TPGS2: variants seen among roughly 807,000 people sequenced by gnomAD.
TPGS2 encodes polyglutamylase subunit 2.
In TPGS2, 26 loss-of-function variants were observed where a neutral mutation model predicts 31.1. The observed-to-expected ratio is 0.84, with a 90% CI of 0.61 to 1.16. The LOEUF (loss-of-function observed/expected upper bound fraction) is 1.16, where lower values mean the gene tolerates loss of function less well. Ranked by LOEUF, TPGS2 falls within the 50% of genes most tolerant of loss-of-function variation. The probability of loss-of-function intolerance (pLI) is 0.00; values close to 1 mark genes in which losing one functional copy is unlikely to be tolerated. For synonymous variants in TPGS2, 130 were observed against 136.6 expected (o/e 0.95, Z 0.34); for missense variants, 351 against 363.8 (o/e 0.96, Z 0.29).
chr18:36,797,088 A>G (rs760688245), intron 6 of TPGS2, 38 bp from the exon 7 acceptor site: 3 of 1,596,372 alleles, frequency 1.9e-6, no homozygotes, highest in Non-Finnish European at 2.6e-6. Context: ...CACAATTCAA[A>G]GGAAAAATGC....
chr18:36,795,449 A>T lies in TPGS2; in HGVS notation c.*1356T>A. 2 of 985,440 alleles carry T rather than the reference A, an allele frequency of 2.0e-6. No homozygotes were observed. Among genetic ancestry groups the T allele is most frequent in the Non-Finnish European group, 2.4e-6 (2 of 829,956 alleles). The allele number at this position is 985,440 out of a possible 1,614,324, so 61.0% of individuals were successfully genotyped here. On this transcript the variant is annotated 3_prime_UTR_variant, in exon 7 of 7. Transcript: ENST00000334295. ...ATTCTCTAACCTCTGGGACTTCAGT[A>T]CAAAAACTGCAGCCACCCAAAGAAC...
At chr18:36,786,596 T>C in intron 6 of TPGS2, 4 of 340,274 alleles carry the variant, frequency 1.2e-5, no homozygotes, top group East Asian at 4.5e-5. Context: ...TGTTTATTAT[T>C]TGGTATCTTA....
intron 3 of TPGS2, 169 bp downstream of exon 3, chr18:36,807,678 G>A: frequency 4.8e-6 from 3 of 618,966 alleles, no homozygotes. Flanking sequence ...GTGAAGCAAT[G>A]ATGGCATCTG....
At chr18:36,790,784 T>C (rs2044283950), downstream of TPGS2, among the ~76,000 whole-genome samples, 1 of 152,252 alleles carries the variant, frequency 6.6e-6, no homozygotes, top group African/African-American at 2.4e-5. Flanking sequence ...TTGTTGTCTG[T>C]TCCTACTGGT....
intron 1 of TPGS2, 60 bp downstream of exon 1, chr18:36,828,623 C>CCCTCCGCT: frequency 6.3e-7 from 1 of 1,587,572 alleles, no homozygotes; most frequent in Non-Finnish European, 8.6e-7. Flanking sequence ...CGCACCTCAT[C>CCCTCCGCT]CCTCCGCTCC....
intron 6 of TPGS2, 43 bp from the exon 7 acceptor site, chr18:36,797,093 A>G (rs900398724): frequency 1.3e-6 from 2 of 1,595,186 alleles, no homozygotes; most frequent in Non-Finnish European, 1.7e-6. Context: ...TTCAAAGGAA[A>G]AATGCCATTC....
At position 36,802,555 on chromosome 18, in the gene TPGS2, C is replaced by G. The variant is rs543974221; in HGVS notation, c.383-2244G>C. 5.9e-5 allele frequency among the ~76,000 whole-genome samples: 9 copies of G among 152,124 alleles called. No individual in the cohort carries two copies. In the South Asian group the frequency reaches 1.9e-3, roughly 32 times the overall value. The stretch of plus-strand genomic sequence containing the variant: ...CCCTGAAATTTTAGTTTGGTTTTAC[C>G]TCCACAGGGGCATATAAGCATATCG... On this transcript the variant is annotated intron_variant, in intron 4 of 6. Transcript: ENST00000334295.
At chr18:36,798,327 T>A (rs2044631237) in intron 6 of TPGS2, 122 bp downstream of exon 6, 1 of 1,532,964 alleles carries the variant, frequency 6.5e-7, no homozygotes, top group African/African-American at 1.4e-5. Flanking sequence ...AAATGCAGGT[T>A]CCTGGGCCCC....
At chr18:36,811,353 G>C (rs1234135596) in intron 2 of TPGS2, among the ~76,000 whole-genome samples, 1 of 152,106 alleles carries the variant, frequency 6.6e-6, no homozygotes, top group Non-Finnish European at 1.5e-5. Context: ...GAGAGTTTGG[G>C]GCCAGAGCTG....
chr18:36,782,047 G>T, downstream of TPGS2: 1 of 590,646 alleles, frequency 1.7e-6, no homozygotes, highest in Non-Finnish European at 2.1e-6. Context: ...GGCACTGAAT[G>T]CAGATTTGGA....
intron 3 of TPGS2, among the ~76,000 whole-genome samples, chr18:36,807,017 A>G (rs1044197353): frequency 5.9e-5 from 9 of 152,066 alleles, no homozygotes; most frequent in Non-Finnish European, 1.3e-4. Context: ...AACAGAAGTC[A>G]CTGCATTTTT....
At chr18:36,817,060 G>A (rs971230494) in intron 2 of TPGS2, among the ~76,000 whole-genome samples, 2 of 152,234 alleles carry the variant, frequency 1.3e-5, no homozygotes, top group African/African-American at 4.8e-5. Context: ...CCAGGAACAG[G>A]TGTTGACAGG....
At chr18:36,797,147 G>A (rs2044569136) in intron 6 of TPGS2, 97 bp from the exon 7 acceptor site, 2 of 1,555,598 alleles carry the variant, frequency 1.3e-6, no homozygotes, top group African/African-American at 1.4e-5. Context: ...GGAACAGGAG[G>A]CAGAGGTACA....
chr18:36,800,431 TAAG>T, intron 4 of TPGS2, 120 bp from the exon 5 acceptor site: 1 of 773,088 alleles, frequency 1.3e-6, no homozygotes, highest in Non-Finnish European at 2.2e-6. Context: ...GACATATACT[TAAG>T]TAGTATTTAC....
intron 6 of TPGS2, among the ~76,000 whole-genome samples, chr18:36,785,757 C>T (rs186524653): frequency 6.6e-6 from 1 of 152,216 alleles, no homozygotes; most frequent in East Asian, 1.9e-4. Context: ...AAAACTACAG[C>T]ATTATATGTA....
At chr18:36,786,128 A>G (rs1316444199) in intron 6 of TPGS2, among the ~76,000 whole-genome samples, 1 of 152,202 alleles carries the variant, frequency 6.6e-6, no homozygotes, top group African/African-American at 2.4e-5. Flanking sequence ...CCTCTGTGAA[A>G]CTGACCAGAA....
Position 36,828,817 on chromosome 18 carries a change from C to A in TPGS2, c.-50G>T. 1 of 1,597,274 alleles carries A rather than the reference C, an allele frequency of 6.3e-7. No homozygotes were observed. The highest frequency in any genetic ancestry group is 8.5e-7 in the Non-Finnish European group (1 of 1,169,966). On this transcript the variant is annotated 5_prime_UTR_variant, in exon 1 of 7. Coordinates refer to ENST00000334295, the MANE Select transcript of TPGS2 (RefSeq NM_015476.4). Reference sequence around the variant, plus strand: ...GGCGGGAGCGGGTGGAGGGCCGGACCCCGCCTCAGCGCCGAGGCCAATTTC... The same window carrying A: ...GGCGGGAGCGGGTGGAGGGCCGGACACCGCCTCAGCGCCGAGGCCAATTTC...
chr18:36,806,998 T>C (rs2045180094), intron 3 of TPGS2, among the ~76,000 whole-genome samples: 1 of 151,474 alleles, frequency 6.6e-6, no homozygotes, highest in Non-Finnish European at 1.5e-5. Flanking sequence ...CTCTGTAGAT[T>C]TGCAGTACAA....
At chr18:36,811,645 G>GT (rs1042779855) in intron 2 of TPGS2, among the ~76,000 whole-genome samples, 3 of 152,188 alleles carry the variant, frequency 2.0e-5, no homozygotes, top group African/African-American at 7.2e-5. Context: ...TTCAGAGATG[G>GT]TGGGTGTGGT....
Sources: allele counts gnomAD v4.1 joint callset (sites outside exome capture counted in the v4.1 genomes callset), GRCh38; gene constraint gnomAD v4.1.1; transcripts MANE v1.5; gene names NCBI Gene and HGNC (gene_info 2026-07-23, HGNC 2026-07-21).